The following CDH12 variants were observed in gnomAD, a reference collection of about 807,000 sequenced individuals.
The protein encoded by CDH12 is cadherin 12.
CDH12 carries 41 observed loss-of-function variants against 74.1 expected under a neutral mutation model. The observed-to-expected ratio is 0.55, with a 90% confidence interval of 0.43 to 0.72. The LOEUF (loss-of-function observed/expected upper bound fraction) is 0.72, where lower values mean the gene tolerates loss of function less well. CDH12 is among the 30% of genes least tolerant of loss of function. The probability of loss-of-function intolerance (pLI) is 0.00; values close to 1 mark genes in which losing one functional copy is unlikely to be tolerated. For synonymous variants in CDH12, 399 were observed against 355.0 expected, an observed-to-expected ratio of 1.12 and a Z score of -1.39; for missense variants, 945 against 977.2, an observed-to-expected ratio of 0.97 and a Z score of 0.44.
intron 9 of CDH12, among the ~76,000 whole-genome samples, chr5:21,803,036 G>GAAC (rs1333259333): frequency 7.9e-5 from 12 of 152,038 alleles, no homozygotes; most frequent in African/African-American, 2.9e-4. Flanking sequence ...AACAGCAACA[G>GAAC]AACAGATGTT....
chr5:22,024,493 C>T (rs1738213678), intron 5 of CDH12, among the ~76,000 whole-genome samples: 1 of 151,964 alleles, frequency 6.6e-6, no homozygotes, highest in African/African-American at 2.4e-5. Flanking sequence ...GGTAAATTTA[C>T]TTTATTTATC....
intron 1 of CDH12, among the ~76,000 whole-genome samples, chr5:22,558,846 G>C (rs1338134683): frequency 6.6e-6 from 1 of 152,140 alleles, no homozygotes; most frequent in Non-Finnish European, 1.5e-5. Flanking sequence ...TGCTTTGAAA[G>C]AAGAAGGGAA....
chr5:22,397,713 C>A (rs969884606), intron 3 of CDH12, among the ~76,000 whole-genome samples: 1 of 152,056 alleles, frequency 6.6e-6, no homozygotes, highest in African/African-American at 2.4e-5. Flanking sequence ...CTCCAAAAAT[C>A]GTAAGTTGAA....
intron 5 of CDH12, among the ~76,000 whole-genome samples, chr5:22,001,329 T>G (rs940396568): frequency 8.5e-5 from 11 of 129,062 alleles, no homozygotes; most frequent in African/African-American, 4.9e-4. Flanking sequence ...AATAGAATCC[T>G]TCCATGTCAC....
chr5:22,730,537 A>C (rs1345411717), intron 1 of CDH12, among the ~76,000 whole-genome samples: 1 of 151,856 alleles, frequency 6.6e-6, no homozygotes, highest in Middle Eastern at 3.2e-3. Context: ...ATTCAAGTTA[A>C]AATATAATGT....
chr5:21,764,538 A>G (rs1469747135), intron 12 of CDH12, among the ~76,000 whole-genome samples: 1 of 151,710 alleles, frequency 6.6e-6, no homozygotes, highest in Admixed American at 6.6e-5. Flanking sequence ...AATCCCAGCT[A>G]CTTGGGAGGC....
chr5:22,538,122 T>C (rs936574029), intron 1 of CDH12, among the ~76,000 whole-genome samples: 1 of 152,176 alleles, frequency 6.6e-6, no homozygotes, highest in Admixed American at 6.5e-5. Context: ...ATCAGGCTAA[T>C]CTTTTTTCTT....
chr5:22,234,054 C>T (rs1167656484), intron 3 of CDH12, among the ~76,000 whole-genome samples: 1 of 152,084 alleles, frequency 6.6e-6, no homozygotes, highest in Non-Finnish European at 1.5e-5. Flanking sequence ...GTAAAAAATA[C>T]TATGACAGTT....
chr5:22,749,691 A>C (rs1745465196), intron 1 of CDH12, among the ~76,000 whole-genome samples: 1 of 152,164 alleles, frequency 6.6e-6, no homozygotes, highest in Admixed American at 6.5e-5. Context: ...ATGAACACAG[A>C]GTGATTGCTT....
intron 3 of CDH12, among the ~76,000 whole-genome samples, chr5:22,319,357 G>A (rs907722151): frequency 6.6e-6 from 1 of 152,108 alleles, no homozygotes; most frequent in African/African-American, 2.4e-5. Flanking sequence ...GAAAATGACA[G>A]AACTCAGCAA....
At chr5:21,832,242 A>G (rs1311262265) in intron 8 of CDH12, among the ~76,000 whole-genome samples, 1 of 152,182 alleles carries the variant, frequency 6.6e-6, no homozygotes, top group African/African-American at 2.4e-5. Context: ...GGTGAACAGA[A>G]CTAAGTAAGT....
chr5:22,372,546 T>G (rs991358396), intron 3 of CDH12, among the ~76,000 whole-genome samples: 1 of 152,138 alleles, frequency 6.6e-6, no homozygotes, highest in Non-Finnish European at 1.5e-5. Flanking sequence ...TTCCAAGCCC[T>G]GAGCAGCTGC....
chr5:22,813,045 G>T (rs1042621823), intron 1 of CDH12, among the ~76,000 whole-genome samples: 3 of 152,116 alleles, frequency 2.0e-5, no homozygotes, highest in Non-Finnish European at 4.4e-5. Context: ...CAACAATTCA[G>T]GAGCCACATT....
chr5:21,981,191 T>C (rs1236842630), intron 5 of CDH12, among the ~76,000 whole-genome samples: 2 of 152,160 alleles, frequency 1.3e-5, no homozygotes, highest in South Asian at 2.1e-4. Flanking sequence ...TGTACCACTG[T>C]TTATTCTCTG....
intron 4 of CDH12, among the ~76,000 whole-genome samples, chr5:22,122,270 G>A (rs1422823419): frequency 6.6e-6 from 1 of 152,090 alleles, no homozygotes; most frequent in African/African-American, 2.4e-5. Flanking sequence ...GGGCATGGCG[G>A]CACATTCCTG....
At chr5:22,744,091 G>T (rs959626495) in intron 1 of CDH12, among the ~76,000 whole-genome samples, 2 of 151,960 alleles carry the variant, frequency 1.3e-5, no homozygotes, top group Admixed American at 6.6e-5. Context: ...ATAGAACAGG[G>T]TCTCTATGAT....
At chr5:21,804,223 G>A (rs1485261717) in intron 9 of CDH12, among the ~76,000 whole-genome samples, 1 of 151,798 alleles carries the variant, frequency 6.6e-6, no homozygotes, top group African/African-American at 2.4e-5. Context: ...ACCTATATAA[G>A]CAAAGAATAG....
At position 22,806,532 on chromosome 5, in the gene CDH12, T is replaced by G. The variant is rs372623831; in HGVS notation, c.-523+46526A>C. Among the ~76,000 whole-genome samples the G allele has an allele frequency of 5.7e-3, 867 of 152,076 alleles. 8 individuals are homozygous for G. Among genetic ancestry groups the G allele is most frequent in the African/African-American group, 0.02 (840 of 41,510 alleles). The stretch of plus-strand genomic sequence containing the variant: ...CACGCCCGGCTAATGTTTTTTGTAT[T>G]TTTAGTAGAGACGGGGTTTCACCGT... On this transcript the variant is annotated intron_variant, in intron 1 of 14. Transcript: ENST00000382254.
At chr5:22,188,247 T>C (rs987440085) in intron 4 of CDH12, among the ~76,000 whole-genome samples, 4 of 152,066 alleles carry the variant, frequency 2.6e-5, no homozygotes, top group African/African-American at 4.8e-5. Flanking sequence ...TGAGAGTGGA[T>C]TGTAATAGAG....
Sources: allele counts gnomAD v4.1 joint callset (sites outside exome capture counted in the v4.1 genomes callset), GRCh38; gene constraint gnomAD v4.1.1; transcripts MANE v1.5; gene names NCBI Gene and HGNC (gene_info 2026-07-23, HGNC 2026-07-21).